ACTR3C: variants seen among roughly 807,000 people sequenced by gnomAD.
ACTR3C encodes actin related protein 3C, also known as actin-related protein 3C.
In ACTR3C, 18 loss-of-function variants were observed where a neutral mutation model predicts 26.3. That is an observed-to-expected ratio of 0.68 (90% confidence interval 0.47 to 1.01). The LOEUF (loss-of-function observed/expected upper bound fraction) is 1.01. ACTR3C is among the 50% of genes least tolerant of loss of function. ACTR3C has a pLI of 0.00. For synonymous variants in ACTR3C, 55 were observed against 94.5 expected (o/e 0.58, Z 2.42); for missense variants, 184 against 250.7 (o/e 0.73, Z 1.80).
chr7:149,911,312 C>G, the ACTR3C span, among the ~76,000 whole-genome samples: 10 of 123,480 alleles, frequency 8.1e-5, no homozygotes, highest in Non-Finnish European at 1.0e-4. Context: ...AACAAGCTAC[C>G]TCAGCTACTT....
At chr7:150,044,078 G>A in the ACTR3C span, among the ~76,000 whole-genome samples, 1 of 152,110 alleles carries the variant, frequency 6.6e-6, no homozygotes, top group Non-Finnish European at 1.5e-5. Flanking sequence ...CATTTGTATT[G>A]CAAAGAAGCC....
the ACTR3C span, among the ~76,000 whole-genome samples, chr7:149,994,507 G>T: frequency 6.7e-6 from 1 of 150,238 alleles, no homozygotes; most frequent in Admixed American, 6.6e-5. Flanking sequence ...TGAGGCGGGA[G>T]AATCGCTTGA....
At chr7:150,253,756 G>T (rs1833012364) in intron 6 of ACTR3C, among the ~76,000 whole-genome samples, 1 of 151,824 alleles carries the variant, frequency 6.6e-6, no homozygotes, top group African/African-American at 2.4e-5. Context: ...CGGCCCATCG[G>T]TATTGGCTAT....
chr7:150,031,209 A>T, the ACTR3C span, among the ~76,000 whole-genome samples: 18 of 150,942 alleles, frequency 1.2e-4, no homozygotes, highest in East Asian at 9.8e-4. Context: ...GTGAGCTGAG[A>T]TTGTATCACT....
chr7:150,107,891 C>T, the ACTR3C span, among the ~76,000 whole-genome samples: 1 of 151,928 alleles, frequency 6.6e-6, no homozygotes, highest in African/African-American at 2.4e-5. Flanking sequence ...GAGACAAAAA[C>T]GTTTAGAGCT....
At chr7:149,990,592 G>A in the ACTR3C span, among the ~76,000 whole-genome samples, 1 of 133,682 alleles carries the variant, frequency 7.5e-6, no homozygotes, top group Non-Finnish European at 1.6e-5. Context: ...TTAAGAAACT[G>A]AGCCCCTCAT....
At chr7:150,093,017 G>T in the ACTR3C span, among the ~76,000 whole-genome samples, 226 of 151,606 alleles carry the variant, frequency 1.5e-3, 1 homozygote, top group Middle Eastern at 3.4e-3. Flanking sequence ...GGCTAAAAAA[G>T]AAATCTGTGA....
chr7:149,966,154 G>A, the ACTR3C span, among the ~76,000 whole-genome samples: 1 of 152,174 alleles, frequency 6.6e-6, no homozygotes, highest in Non-Finnish European at 1.5e-5. Flanking sequence ...TTGTATTGTG[G>A]AGCTGCAGGC....
chr7:150,042,061 G>T, the ACTR3C span, among the ~76,000 whole-genome samples: 3 of 103,078 alleles, frequency 2.9e-5, no homozygotes, highest in African/African-American at 9.8e-5. Context: ...CTAAGCCAGG[G>T]GGGGATGAGG....
chr7:150,143,109 G>C, the ACTR3C span, among the ~76,000 whole-genome samples: 1 of 152,264 alleles, frequency 6.6e-6, no homozygotes, highest in Middle Eastern at 3.4e-3. Flanking sequence ...TGGGATTATG[G>C]GCATGAGCCA....
At chr7:149,960,758 G>A in the ACTR3C span, among the ~76,000 whole-genome samples, 3 of 152,164 alleles carry the variant, frequency 2.0e-5, no homozygotes, top group African/African-American at 4.8e-5. Flanking sequence ...TGGATGAACT[G>A]GCATTGGAGA....
chr7:150,221,268 G>A, the ACTR3C span, among the ~76,000 whole-genome samples: 3 of 146,510 alleles, frequency 2.0e-5, no homozygotes, highest in African/African-American at 5.1e-5. Context: ...CTTCCCAAGA[G>A]TTTTTTTTTC....
At chr7:149,988,020 T>C in the ACTR3C span, among the ~76,000 whole-genome samples, 1 of 152,196 alleles carries the variant, frequency 6.6e-6, no homozygotes, top group Non-Finnish European at 1.5e-5. Context: ...TATAGCTGGT[T>C]TGTATAGGTA....
At chr7:150,173,894 T>G in the ACTR3C span, among the ~76,000 whole-genome samples, 1 of 146,654 alleles carries the variant, frequency 6.8e-6, no homozygotes, top group Non-Finnish European at 1.5e-5. Context: ...ACAACAAGAG[T>G]CACCTTTGCT....
chr7:150,103,037 A>T, the ACTR3C span, among the ~76,000 whole-genome samples: 1 of 151,242 alleles, frequency 6.6e-6, no homozygotes, highest in Non-Finnish European at 1.5e-5. Context: ...GTATAAATGA[A>T]CATTCTCAGT....
the ACTR3C span, among the ~76,000 whole-genome samples, chr7:149,907,426 G>A: frequency 6.9e-6 from 1 of 145,288 alleles, no homozygotes; most frequent in African/African-American, 2.6e-5. Flanking sequence ...CCTCACTTCT[G>A]CCCGAACATC....
the ACTR3C span, among the ~76,000 whole-genome samples, chr7:150,042,427 GC>G: frequency 6.8e-6 from 1 of 147,336 alleles, no homozygotes; most frequent in Non-Finnish European, 1.5e-5. Flanking sequence ...CGCGAGGGGT[GC>G]CTCCTCCCCT....
chr7:150,105,619 C>T, the ACTR3C span, among the ~76,000 whole-genome samples: 3 of 152,180 alleles, frequency 2.0e-5, no homozygotes, highest in South Asian at 6.2e-4. Flanking sequence ...TTGTTGTTTT[C>T]TGATTCCTTT....
chr7:150,112,632 G>A, the ACTR3C span, among the ~76,000 whole-genome samples: 1 of 152,182 alleles, frequency 6.6e-6, no homozygotes, highest in East Asian at 1.9e-4. Context: ...CACCCTTGAC[G>A]CCCTCCCTCC....
Sources: gnomAD v4.1 joint callset for allele counts (sites outside exome capture counted in the v4.1 genomes callset) on GRCh38, gnomAD v4.1.1 for gene constraint, MANE v1.5 for transcripts, NCBI Gene and HGNC (gene_info 2026-07-23, HGNC 2026-07-21) for gene names.